YPEL2: variants seen among roughly 807,000 people sequenced by gnomAD.
YPEL2 encodes the protein protein yippee-like 2.
Under a neutral mutation model 19.1 loss-of-function variants are expected in YPEL2, and 2 were observed. That is an observed-to-expected ratio of 0.10 (90% confidence interval 0.04 to 0.33). The LOEUF (loss-of-function observed/expected upper bound fraction) is 0.33, where lower values mean the gene tolerates loss of function less well. Among genes scored for constraint, YPEL2 ranks in the 10% least tolerant of loss-of-function variants. The probability of loss-of-function intolerance (pLI) is 1.00; values close to 1 mark genes in which losing one functional copy is unlikely to be tolerated. For missense variants in YPEL2, 66 were observed against 140.7 expected, an observed-to-expected ratio of 0.47 and a Z score of 2.68; for synonymous variants, 52 against 50.0, an observed-to-expected ratio of 1.04 and a Z score of -0.17.
At chr17:59,394,690 G>T (rs1244988853) in intron 4 of YPEL2, among the ~76,000 whole-genome samples, 1 of 152,092 alleles carries the variant, frequency 6.6e-6, no homozygotes, top group South Asian at 2.1e-4. Flanking sequence ...ACGGGGTGGC[G>T]GCCGGGCAGA....
At chr17:59,351,809 G>A (rs1030575311) in intron 1 of YPEL2, among the ~76,000 whole-genome samples, 4 of 152,202 alleles carry the variant, frequency 2.6e-5, no homozygotes, top group Non-Finnish European at 5.9e-5. Flanking sequence ...TTTGCATGAG[G>A]AGCTTCCTTG....
intron 4 of YPEL2, among the ~76,000 whole-genome samples, chr17:59,393,802 A>C (rs1428444977): frequency 1.3e-5 from 2 of 150,624 alleles, no homozygotes; most frequent in African/African-American, 4.9e-5. Flanking sequence ...TGGACACAGC[A>C]CATGTTTCAG....
rs2047795126 is a variant in YPEL2, at chr17:59,353,037, T to A, written c.-195-178T>A. 6.6e-6 allele frequency among the ~76,000 whole-genome samples: 1 copy of A among 151,980 alleles called. No individual in the cohort carries two copies. The highest frequency in any genetic ancestry group is 1.5e-5 in the Non-Finnish European group (1 of 67,986). On this transcript the variant is annotated intron_variant, in intron 1 of 4. Transcript: ENST00000312655. This position sits in a 1 kb window ranked among gnomAD's most constrained non-coding sequence, Gnocchi z 4.8. ...CTCCAGAAAAGCAGCGAGACTGGAGTCTCCAGTGGTTTCTTTCTCATTCAT... is the reference window on the plus strand; with the variant it reads ...CTCCAGAAAAGCAGCGAGACTGGAGACTCCAGTGGTTTCTTTCTCATTCAT...
At chr17:59,357,314 GATTGGAT>G (rs150051040) in intron 2 of YPEL2, among the ~76,000 whole-genome samples, 3,055 of 152,284 alleles carry the variant, frequency 0.02, 109 homozygotes, top group African/African-American at 0.069. Flanking sequence ...TGAGGCACAA[GATTGGAT>G]ATGAGAAGGG....
At chr17:59,387,269 A>C (rs998947142) in intron 2 of YPEL2, among the ~76,000 whole-genome samples, 1 of 151,792 alleles carries the variant, frequency 6.6e-6, no homozygotes, top group African/African-American at 2.4e-5. Flanking sequence ...AAAAAAAAAA[A>C]AAAAAAAAAA....
In YPEL2 at chr17:59,399,959, A is replaced by G. The variant is rs1017915780; in HGVS notation, c.*2769A>G. 1 of 152,678 alleles carries G rather than the reference A, an allele frequency of 6.5e-6. No individual in the cohort carries two copies. Among genetic ancestry groups the G allele is most frequent in the Admixed American group, 6.5e-5 (1 of 15,278 alleles). 9.5% of individuals were successfully genotyped at this position (152,678 alleles called of 1,614,324 possible). A position where few individuals can be genotyped will look rare whatever the true frequency, so the allele number is the denominator to read the frequency against. On this transcript the variant is annotated 3_prime_UTR_variant, in exon 5 of 5. Coordinates refer to ENST00000312655, the MANE Select transcript of YPEL2 (RefSeq NM_001005404.4). The stretch of plus-strand genomic sequence containing the variant: ...GGACGTGAGAAAGGAAAAGGCATGA[A>G]GTTCTATACCTCAGCCAGCAGCTGC...
chr17:59,385,562 A>C (rs1267224002), intron 2 of YPEL2, among the ~76,000 whole-genome samples: 1 of 152,158 alleles, frequency 6.6e-6, no homozygotes, highest in Non-Finnish European at 1.5e-5. Context: ...TGGGTGACAG[A>C]GCGAGACCTT....
intron 2 of YPEL2, among the ~76,000 whole-genome samples, chr17:59,370,091 C>G (rs138744714): frequency 0.012 from 1,891 of 152,360 alleles, 18 homozygotes; most frequent in Non-Finnish European, 0.018. Flanking sequence ...GAGTCTCGCT[C>G]TGTCGCCTGG....
intron 2 of YPEL2, among the ~76,000 whole-genome samples, chr17:59,373,100 C>G (rs765527924): frequency 6.6e-6 from 1 of 152,128 alleles, no homozygotes; most frequent in South Asian, 2.1e-4. Flanking sequence ...TTGAACTGAC[C>G]TCGTGATCCA....
chr17:59,346,795 G>A (rs1382296709), intron 1 of YPEL2, among the ~76,000 whole-genome samples: 2 of 152,186 alleles, frequency 1.3e-5, no homozygotes, highest in Non-Finnish European at 2.9e-5. Context: ...CGGTGTTGAG[G>A]TGACATTTGA....
intron 2 of YPEL2, among the ~76,000 whole-genome samples, chr17:59,373,244 G>C (rs2047905373): frequency 6.6e-6 from 1 of 152,212 alleles, no homozygotes; most frequent in African/African-American, 2.4e-5. Context: ...CCGTAGGAAA[G>C]AGATGGGGAT....
At chr17:59,346,568 G>A (rs2047757590) in intron 1 of YPEL2, among the ~76,000 whole-genome samples, 1 of 152,168 alleles carries the variant, frequency 6.6e-6, no homozygotes, top group African/African-American at 2.4e-5. Context: ...ACCTGTGCAG[G>A]TAGGTGGACC....
chr17:59,356,860 A>G (rs1290337961), intron 2 of YPEL2, among the ~76,000 whole-genome samples: 1 of 152,204 alleles, frequency 6.6e-6, no homozygotes, highest in Non-Finnish European at 1.5e-5. Context: ...TTATAAGGAC[A>G]CTAATCCCAT....
At chr17:59,369,645 T>TA (rs2047887055) in intron 2 of YPEL2, among the ~76,000 whole-genome samples, 1 of 152,244 alleles carries the variant, frequency 6.6e-6, no homozygotes, top group African/African-American at 2.4e-5. Flanking sequence ...TGTCCCGGTC[T>TA]GATGTAACCA....
In YPEL2 at chr17:59,398,138, T is replaced by C. The variant is rs1242416918; in HGVS notation, c.*948T>C. 1.3e-5 allele frequency: 2 copies of C among 152,242 alleles called. No homozygotes were observed. The highest frequency in any genetic ancestry group is 2.9e-5 in the Non-Finnish European group (2 of 68,070). The allele number at this position is 152,242 out of a possible 1,614,324, so 9.4% of individuals were successfully genotyped here. On this transcript the variant is annotated 3_prime_UTR_variant, in exon 5 of 5. Transcript: ENST00000312655. ...CAGAGAAATAAAAAGTAGGATCAGT[T>C]AGCAATTCTAACTGCCCTTCCTTCT... is the stretch of plus-strand genomic sequence containing the variant.
chr17:59,360,797 G>A (rs1218603831), intron 2 of YPEL2, among the ~76,000 whole-genome samples: 3 of 152,062 alleles, frequency 2.0e-5, no homozygotes, highest in Non-Finnish European at 4.4e-5. Flanking sequence ...GATTGAACCC[G>A]TTCAGGATGA....
intron 4 of YPEL2, among the ~76,000 whole-genome samples, chr17:59,393,972 T>C (rs1350424614): frequency 6.6e-6 from 1 of 152,250 alleles, no homozygotes; most frequent in Non-Finnish European, 1.5e-5. Flanking sequence ...CTTTCCCCCT[T>C]TTCTATTCCA....
intron 1 of YPEL2, among the ~76,000 whole-genome samples, chr17:59,333,508 C>T (rs1053458207): frequency 2.6e-5 from 4 of 152,192 alleles, no homozygotes; most frequent in African/African-American, 7.2e-5. Flanking sequence ...GCATGGTTTT[C>T]AGACTTTGAG....
Position 59,385,871 on chromosome 17 carries a change from T to C in YPEL2, c.118-2456T>C, listed in dbSNP as rs1367056502. ...GAGACAATTTAGTTGACTCAGAATA[T>C]TTAATAAATGACTACTGTGTGCCAG... On this transcript the variant is annotated intron_variant, in intron 2 of 4. Coordinates refer to ENST00000312655, the MANE Select transcript of YPEL2 (RefSeq NM_001005404.4). Among the ~76,000 whole-genome samples, 7 of 152,218 alleles carry C rather than the reference T, an allele frequency of 4.6e-5. No homozygotes were observed. In the East Asian group the frequency reaches 1.3e-3, roughly 29 times the overall value.
Sources: gnomAD v4.1 joint callset for allele counts (sites outside exome capture counted in the v4.1 genomes callset) on GRCh38, gnomAD v4.1.1 for gene constraint, Gnocchi (gnomAD v3.1) non-coding constraint, MANE v1.5 for transcripts, NCBI Gene and HGNC (gene_info 2026-07-23, HGNC 2026-07-21) for gene names.